Variants in ITGA8 observed in about 807,000 individuals in gnomAD.
The protein encoded by ITGA8 is integrin alpha-8.
ITGA8 carries 91 observed loss-of-function variants against 142.3 expected under a neutral mutation model. That is an observed-to-expected ratio of 0.64 (90% confidence interval 0.54 to 0.76). The LOEUF (loss-of-function observed/expected upper bound fraction) is 0.76, where lower values mean the gene tolerates loss of function less well. Among genes scored for constraint, ITGA8 ranks in the 30% least tolerant of loss-of-function variants. ITGA8 has a pLI of 0.00. For synonymous variants in ITGA8, 505 were observed against 485.2 expected (o/e 1.04, Z -0.54); for missense variants, 1,406 against 1,327.7 (o/e 1.06, Z -0.92).
chr10:15,698,765 T>C (rs964191256), intron 2 of ITGA8, among the ~76,000 whole-genome samples: 1 of 152,234 alleles, frequency 6.6e-6, no homozygotes, highest in East Asian at 1.9e-4. Flanking sequence ...GATTGTTTTC[T>C]TCTTGCTGAT....
chr10:15,586,234 T>C (rs1832828841), intron 23 of ITGA8, among the ~76,000 whole-genome samples: 1 of 151,800 alleles, frequency 6.6e-6, no homozygotes, highest in African/African-American at 2.4e-5. Context: ...AATTTTTGTA[T>C]TTTTAGGAGA....
Position 15,719,809 on chromosome 10 carries a change from G to T in ITGA8, c.-38C>A, listed in dbSNP as rs1469077046. 55 of 1,310,658 alleles carry T rather than the reference G, an allele frequency of 4.2e-5. No homozygotes were observed. In the South Asian group the frequency reaches 5.7e-4, roughly 14 times the overall value. 81.2% of individuals were successfully genotyped at this position (1,310,658 alleles called of 1,614,324 possible). On this transcript the variant is annotated 5_prime_UTR_variant, in exon 1 of 30. Coordinates refer to ENST00000378076, the MANE Select transcript of ITGA8 (RefSeq NM_003638.3). ...CGGTGGGTGGCTGCTACCCAGGAGCGCGAGCCGAGGACCCCTGCGGGGCAA... is the reference window on the plus strand; with the variant it reads ...CGGTGGGTGGCTGCTACCCAGGAGCTCGAGCCGAGGACCCCTGCGGGGCAA...
At chr10:15,653,027 G>T (rs11253590) in intron 11 of ITGA8, among the ~76,000 whole-genome samples, 14,783 of 152,288 alleles carry the variant, frequency 0.097, 923 homozygotes, top group East Asian at 0.29. Context: ...ACTGTGTGTG[G>T]CAGTTTGGAG....
At chr10:15,553,199 G>C (rs1212361733) in intron 26 of ITGA8, among the ~76,000 whole-genome samples, 1 of 151,848 alleles carries the variant, frequency 6.6e-6, no homozygotes, top group African/African-American at 2.4e-5. Flanking sequence ...CGAGGTTACA[G>C]TAAGCTGAGA....
At chr10:15,575,400 A>G in intron 24 of ITGA8, 89 bp downstream of exon 24, 1 of 924,098 alleles carries the variant, frequency 1.1e-6, no homozygotes. Flanking sequence ...AATAATAATA[A>G]TGATAATGAT....
intron 11 of ITGA8, among the ~76,000 whole-genome samples, chr10:15,652,923 C>T (rs1834115492): frequency 6.6e-6 from 1 of 152,208 alleles, no homozygotes; most frequent in Non-Finnish European, 1.5e-5. Flanking sequence ...GAAGCCTGAG[C>T]TGGTACTGCT....
chr10:15,604,883 T>G (rs1833166869), intron 19 of ITGA8, among the ~76,000 whole-genome samples: 1 of 152,156 alleles, frequency 6.6e-6, no homozygotes, highest in African/African-American at 2.4e-5. Flanking sequence ...CAATAAGATC[T>G]TAAATCACTG....
intron 12 of ITGA8, among the ~76,000 whole-genome samples, chr10:15,646,327 A>T (rs1833980054): frequency 6.6e-6 from 1 of 152,240 alleles, no homozygotes; most frequent in Non-Finnish European, 1.5e-5. Flanking sequence ...TGAAGTTTGC[A>T]GAAACCTAAA....
rs773811677 is a variant in ITGA8, at chr10:15,655,352, A to T, written c.1001+2T>A. 2.5e-6 allele frequency: 4 copies of T among 1,583,312 alleles called. No individual in the cohort carries two copies. Among genetic ancestry groups the T allele is most frequent in the Non-Finnish European group, 3.5e-6 (4 of 1,152,564 alleles). Reference sequence around the variant, plus strand: ...GTATATGAGAGAGGTCTATAAACTTACCCATCACTGTTAACATCTGATACG... The same window carrying T: ...GTATATGAGAGAGGTCTATAAACTTTCCCATCACTGTTAACATCTGATACG... On this transcript the variant is annotated splice_donor_variant, in intron 11 of 29. Transcript: ENST00000378076. LOFTEE classifies it high-confidence loss of function.
At chr10:15,549,447 G>A (rs572575261) in intron 26 of ITGA8, among the ~76,000 whole-genome samples, 10 of 152,140 alleles carry the variant, frequency 6.6e-5, no homozygotes, top group Middle Eastern at 3.4e-3. Flanking sequence ...CTGACCTCAG[G>A]TGATCCACCC....
At chr10:15,661,216 A>G (rs1400322795) in intron 8 of ITGA8, among the ~76,000 whole-genome samples, 1 of 152,182 alleles carries the variant, frequency 6.6e-6, no homozygotes, top group Non-Finnish European at 1.5e-5. Context: ...CTGTCTGATC[A>G]GCGGTGGCAT....
chr10:15,590,700 G>T (rs1430169498), intron 22 of ITGA8, among the ~76,000 whole-genome samples: 1 of 151,880 alleles, frequency 6.6e-6, no homozygotes, highest in East Asian at 1.9e-4. Flanking sequence ...AAATATTTAG[G>T]GCTACCTAAA....
rs184165806 is a variant in ITGA8 at position 15,613,771 on chromosome 10, C to T, written c.1446-4G>A. 55 of 1,604,342 alleles carry T rather than the reference C, an allele frequency of 3.4e-5. No homozygotes were observed. Among genetic ancestry groups the T allele is most frequent in the Admixed American group, 1.0e-4 (6 of 59,946 alleles). ...TACAGTCACAACCGGTCTTGCTCTG[C>T]GGGGAGAAAATGCAGGGTTTGTTTA... On this transcript the variant is annotated splice_region_variant and splice_polypyrimidine_tract_variant and intron_variant, in intron 14 of 29. Transcript: ENST00000378076.
At chr10:15,708,560 T>C (rs1313965417) in intron 2 of ITGA8, among the ~76,000 whole-genome samples, 2 of 152,192 alleles carry the variant, frequency 1.3e-5, no homozygotes, top group African/African-American at 4.8e-5. Flanking sequence ...TTGAACTGAG[T>C]GTCCTAAAAA....
intron 25 of ITGA8, among the ~76,000 whole-genome samples, chr10:15,570,395 G>T (rs1834156868): frequency 1.3e-5 from 2 of 151,936 alleles, no homozygotes; most frequent in Non-Finnish European, 2.9e-5. Flanking sequence ...ATCACCTGAG[G>T]TCAGGAGTTC....
chr10:15,558,203 C>T lies in ITGA8; in HGVS notation c.2638-1G>A. On this transcript the variant is annotated splice_acceptor_variant, in intron 25 of 29. Transcript: ENST00000378076. LOFTEE classifies it high-confidence loss of function. ...GGGTGTCCTCTGGGGAGGCAGCAGG[C>T]TGCAAAAAGAAAGTGGGAGATACCA... 6.2e-7 allele frequency: 1 copy of T among 1,613,652 alleles called. No homozygotes were observed. Among genetic ancestry groups the T allele is most frequent in the Non-Finnish European group, 8.5e-7 (1 of 1,179,876 alleles).
chr10:15,641,758 G>T (rs1833875698), intron 13 of ITGA8, among the ~76,000 whole-genome samples: 1 of 152,130 alleles, frequency 6.6e-6, no homozygotes, highest in African/African-American at 2.4e-5. Context: ...ATTATAATTT[G>T]CATCAGACTC....
chr10:15,647,141 A>G (rs965715692), intron 11 of ITGA8, 90 bp from the exon 12 acceptor site: 43 of 974,518 alleles, frequency 4.4e-5, no homozygotes, highest in Middle Eastern at 3.2e-4. Context: ...GTAAATTTCC[A>G]TTGGTATTTT....
intron 2 of ITGA8, among the ~76,000 whole-genome samples, chr10:15,689,070 T>C (rs1417164049): frequency 6.6e-6 from 1 of 152,198 alleles, no homozygotes; most frequent in Non-Finnish European, 1.5e-5. Context: ...GCAGATGACA[T>C]AGTCTTATAT....
Sources: allele counts gnomAD v4.1 joint callset (sites outside exome capture counted in the v4.1 genomes callset), GRCh38; gene constraint gnomAD v4.1.1; transcripts MANE v1.5; gene names NCBI Gene and HGNC (gene_info 2026-07-23, HGNC 2026-07-21).